TEX2: variants seen among roughly 807,000 people sequenced by gnomAD.
TEX2 encodes the protein testis-expressed protein 2.
In TEX2, 53 loss-of-function variants were observed where a neutral mutation model predicts 106.9. The observed-to-expected ratio is 0.50, with a 90% CI of 0.40 to 0.62. TEX2 has a LOEUF of 0.62. Among genes scored for constraint, TEX2 ranks in the 20% least tolerant of loss-of-function variants. TEX2 has a pLI of 0.00. For synonymous variants in TEX2, 523 were observed against 534.8 expected, an observed-to-expected ratio of 0.98 and a Z score of 0.30; for missense variants, 1,207 against 1,379.0, an observed-to-expected ratio of 0.88 and a Z score of 1.98.
rs1304403187 is a variant in TEX2 at position 64,188,380 on chromosome 17, A to G, written c.2212T>C (p.Ser738Pro). ...CTGCGGCTGTGGGTCAGGTGCCCGGACGGACTGTTGTGTCTGCTGTGTGCA... is the reference window on the plus strand; with the variant it reads ...CTGCGGCTGTGGGTCAGGTGCCCGGGCGGACTGTTGTGTCTGCTGTGTGCA... ...LPAHSRHNSP[S>P]GHLTHSRSSS... The change falls in exon 5 of 12, where the codon TCC becomes CCC. Residue 738 changes from serine to proline, a missense_variant. Around this residue, in one of 3 missense-constraint regions of TEX2, gnomAD observed 1,067 missense variants for 1,193.6 expected, o/e 0.89. Transcript: ENST00000584379. The G allele has an allele frequency of 6.2e-7, 1 of 1,614,206 alleles. No homozygotes were observed. The highest frequency in any genetic ancestry group is 8.5e-7 in the Non-Finnish European group (1 of 1,180,036).
At chr17:64,256,826 A>T (rs2034193563) in intron 1 of TEX2, among the ~76,000 whole-genome samples, 1 of 152,224 alleles carries the variant, frequency 6.6e-6, no homozygotes, top group Admixed American at 6.5e-5. Context: ...AAAGATTTTT[A>T]AATTCTCTAT....
At chr17:64,224,377 C>A (rs1567954677) in intron 1 of TEX2, among the ~76,000 whole-genome samples, 1 of 152,194 alleles carries the variant, frequency 6.6e-6, no homozygotes, top group Admixed American at 6.5e-5. Context: ...ATCTCAAGTA[C>A]ATCTTAAGAG....
At chr17:64,215,248 C>A (rs1292061149) in intron 1 of TEX2, among the ~76,000 whole-genome samples, 3 of 152,184 alleles carry the variant, frequency 2.0e-5, no homozygotes, top group African/African-American at 7.2e-5. Flanking sequence ...AAAATTAAGA[C>A]CACACCTGGA....
intron 1 of TEX2, among the ~76,000 whole-genome samples, chr17:64,229,735 T>G (rs1021820407): frequency 6.6e-6 from 1 of 152,216 alleles, no homozygotes; most frequent in African/African-American, 2.4e-5. Flanking sequence ...TTGGAAAAAC[T>G]GACTGATATG....
rs1567933362 is a variant in TEX2 at position 64,195,278 on chromosome 17, G to A, written c.1645-183C>T. The stretch of plus-strand genomic sequence containing the variant: ...TAGCTGGGAGGATAACTGGAACTGA[G>A]GAGGTTTTTGATAACCAAAAATCTG... On this transcript the variant is annotated intron_variant, in intron 2 of 11. Transcript: ENST00000584379. The surrounding 1 kb of genome is among the most constrained non-coding windows in gnomAD (Gnocchi z 4.1). Among the ~76,000 whole-genome samples, 2 of 152,170 alleles carry A rather than the reference G, an allele frequency of 1.3e-5. No homozygotes were observed. The highest frequency in any genetic ancestry group is 2.9e-5 in the Non-Finnish European group (2 of 68,036).
intron 10 of TEX2, among the ~76,000 whole-genome samples, chr17:64,152,167 A>T (rs538917599): frequency 8.5e-5 from 13 of 152,246 alleles, no homozygotes; most frequent in Non-Finnish European, 1.9e-4. Flanking sequence ...AGTTTATGGT[A>T]CAATGAGATC....
At position 64,195,677 on chromosome 17, in the gene TEX2, A is replaced by C. The variant is rs563279224; in HGVS notation, c.1645-582T>G. ...TATAATCAATAATATATCAAAATTC[A>C]AAGATACATAGTAACTTAAATGGGT... On this transcript the variant is annotated intron_variant, in intron 2 of 11. Coordinates refer to ENST00000584379, the MANE Select transcript of TEX2 (RefSeq NM_001288732.2). The surrounding 1 kb of genome is among the most constrained non-coding windows in gnomAD (Gnocchi z 4.1). Among the ~76,000 whole-genome samples, 3 of 152,364 alleles carry C rather than the reference A, an allele frequency of 2.0e-5. No individual in the cohort carries two copies. The highest frequency in any genetic ancestry group is 7.2e-5 in the African/African-American group (3 of 41,588).
intron 5 of TEX2, among the ~76,000 whole-genome samples, chr17:64,179,382 A>G (rs7342831): frequency 0.85 from 128,700 of 152,170 alleles, 54,488 homozygotes; most frequent in Middle Eastern, 0.91. Context: ...GAACATGGGA[A>G]GGGACAATAA....
chr17:64,161,233 C>T (rs1207150377), intron 7 of TEX2, among the ~76,000 whole-genome samples: 2 of 152,142 alleles, frequency 1.3e-5, no homozygotes, highest in African/African-American at 2.4e-5. Flanking sequence ...TCTAAAATCT[C>T]CTTGTATTTA....
At chr17:64,173,962 C>T (rs902032899) in intron 6 of TEX2, among the ~76,000 whole-genome samples, 1 of 152,168 alleles carries the variant, frequency 6.6e-6, no homozygotes, top group South Asian at 2.1e-4. Flanking sequence ...CCTCCCACCT[C>T]AACCTTCTGA....
rs768841472 is a variant in TEX2 at position 64,195,203 on chromosome 17, C to T, written c.1645-108G>A. On this transcript the variant is annotated intron_variant, in intron 2 of 11. Transcript: ENST00000584379. This position sits in a 1 kb window ranked among gnomAD's most constrained non-coding sequence, Gnocchi z 4.1. ...GGGACACTGAAACCAAACTTGATCA[C>T]GACACAGATATCAGCTCACCAATGA... The T allele has an allele frequency of 1.1e-5, 11 of 971,408 alleles. No homozygotes were observed. The highest frequency in any genetic ancestry group is 4.9e-5 in the African/African-American group (3 of 61,754). The allele number at this position is 971,408 out of a possible 1,614,324, so 60.2% of individuals were successfully genotyped here.
chr17:64,242,960 G>A (rs1033629669), intron 1 of TEX2, among the ~76,000 whole-genome samples: 34 of 147,150 alleles, frequency 2.3e-4, no homozygotes, highest in Non-Finnish European at 6.0e-5. Flanking sequence ...ATGGAGTCTT[G>A]CTCTGTCACC....
Position 64,148,067 on chromosome 17 carries a change from G to A in TEX2, c.*902C>T, listed in dbSNP as rs972423961. 1.6e-4 allele frequency: 25 copies of A among 152,332 alleles called. No individual in the cohort carries two copies. The highest frequency in any genetic ancestry group is 6.0e-4 in the African/African-American group (25 of 41,334). 9.4% of individuals were successfully genotyped at this position (152,332 alleles called of 1,614,324 possible). ...TTCTCCGTTTTGGCCTTCAGGAAGG[G>A]AAATCTGCCCATGGAACTCTCCCAA... On this transcript the variant is annotated 3_prime_UTR_variant, in exon 12 of 12. Transcript: ENST00000584379.
In TEX2 at chr17:64,148,761, G is replaced by A; in HGVS notation, c.*208C>T. 1.7e-6 allele frequency: 1 copy of A among 573,406 alleles called. No individual in the cohort carries two copies. Among genetic ancestry groups the A allele is most frequent in the South Asian group, 2.5e-5 (1 of 40,520 alleles). 35.5% of individuals were successfully genotyped at this position (573,406 alleles called of 1,614,324 possible). On this transcript the variant is annotated 3_prime_UTR_variant, in exon 12 of 12. Transcript: ENST00000584379. ...CCATGGTCTCCTTTGCCAAATCAAA[G>A]CTTTGCAGCAGGCAATCCAGACAGT... is the stretch of plus-strand genomic sequence containing the variant.
At chr17:64,189,949 C>T (rs1258178107) in intron 4 of TEX2, among the ~76,000 whole-genome samples, 13 of 150,118 alleles carry the variant, frequency 8.7e-5, no homozygotes, top group Non-Finnish European at 5.9e-5. Context: ...CATACCACTG[C>T]ACTCCAGCTT....
In TEX2 at chr17:64,160,913, T is replaced by C. The variant is rs753924164; in HGVS notation, c.2692A>G (p.Met898Val). ...ATCAGAAAGGACCCATTGTAGGACA[T>C]TTCCAAATCAATCCAGAGTCCTGGA... ...DHQGLWIDLE[M>V]SYNGSFLMTL... The change falls in exon 8 of 12, where the codon ATG (methionine) becomes GTG (valine). Residue 898 changes from methionine (M) to valine (V), a missense_variant. By Grantham distance (21) the Met-to-Val change is conservative. Around this residue, in one of 3 missense-constraint regions of TEX2, gnomAD observed 1,067 missense variants for 1,193.6 expected, o/e 0.89. Coordinates refer to ENST00000584379, the MANE Select transcript of TEX2 (RefSeq NM_001288732.2). 2 of 1,614,108 alleles carry C rather than the reference T, an allele frequency of 1.2e-6. No individual in the cohort carries two copies. The highest frequency in any genetic ancestry group is 2.2e-5 in the South Asian group (2 of 91,070).
At chr17:64,235,691 A>G (rs1374826464) in intron 1 of TEX2, among the ~76,000 whole-genome samples, 1 of 152,218 alleles carries the variant, frequency 6.6e-6, no homozygotes, top group Non-Finnish European at 1.5e-5. Flanking sequence ...GTTTACAGCA[A>G]AAAGAAACCA....
At position 64,199,848 on chromosome 17, in the gene TEX2, C is replaced by T. The variant is rs530141319; in HGVS notation, c.1645-4753G>A. On this transcript the variant is annotated intron_variant, in intron 2 of 11. Coordinates refer to ENST00000584379, the MANE Select transcript of TEX2 (RefSeq NM_001288732.2). ...CAGTTATTGGGTTCAAGCTTTTTAGCCCTAGACCCTTGGCTCAACTATGAA... is the reference window on the plus strand; with the variant it reads ...CAGTTATTGGGTTCAAGCTTTTTAGTCCTAGACCCTTGGCTCAACTATGAA... Among the ~76,000 whole-genome samples the T allele has an allele frequency of 1.1e-4, 16 of 152,298 alleles. No homozygotes were observed. In the South Asian group the frequency reaches 3.1e-3, roughly 30 times the overall value.
intron 1 of TEX2, among the ~76,000 whole-genome samples, chr17:64,240,232 G>GGTGTGTGT (rs1567964351): frequency 7.6e-6 from 1 of 130,910 alleles, no homozygotes; most frequent in African/African-American, 3.5e-5. Context: ...TGTATATGCA[G>GGTGTGTGT]ATGTGTGTGT....
Sources: allele counts gnomAD v4.1 joint callset (sites outside exome capture counted in the v4.1 genomes callset), GRCh38; gene constraint gnomAD v4.1.1; regional missense constraint gnomAD v4.1.1; non-coding constraint Gnocchi (gnomAD v3.1); transcripts MANE v1.5; gene names NCBI Gene and HGNC (gene_info 2026-07-23, HGNC 2026-07-21).